DOCK1: variants seen among roughly 807,000 people sequenced by gnomAD.
DOCK1 encodes the protein dedicator of cytokinesis protein 1.
A neutral mutation model predicts 262.7 loss-of-function variants in DOCK1; 138 were observed. The ratio of observed to expected loss-of-function variants is 0.53; its 90% CI spans 0.46 to 0.61. The LOEUF (loss-of-function observed/expected upper bound fraction) is 0.61. Ranked by LOEUF, DOCK1 falls within the 20% of genes least tolerant of loss-of-function variation. The pLI, the probability that DOCK1 is intolerant of heterozygous loss-of-function variation, is 0.00. For synonymous variants in DOCK1, 866 were observed against 867.4 expected, an observed-to-expected ratio of 1.00 and a Z score of 0.03; for missense variants, 1,908 against 2,370.7, an observed-to-expected ratio of 0.80 and a Z score of 4.05.
intron 1 of DOCK1, among the ~76,000 whole-genome samples, chr10:126,920,058 C>T (rs576926143): frequency 3.9e-5 from 6 of 152,202 alleles, no homozygotes; most frequent in African/African-American, 1.2e-4. Flanking sequence ...CCCTCCACCC[C>T]GGCTGTGGGA....
intron 1 of DOCK1, among the ~76,000 whole-genome samples, chr10:126,913,643 A>G (rs2032130774): frequency 6.6e-6 from 1 of 152,224 alleles, no homozygotes; most frequent in African/African-American, 2.4e-5. Flanking sequence ...CTCTGCAGTT[A>G]TCCACATGCC....
intron 48 of DOCK1, 60 bp from the exon 49 acceptor site, chr10:127,438,967 G>T: frequency 1.4e-6 from 2 of 1,466,134 alleles, no homozygotes; most frequent in South Asian, 1.4e-5. Flanking sequence ...GACTTTACAC[G>T]TGTCTGTGGG....
intron 25 of DOCK1, among the ~76,000 whole-genome samples, chr10:127,116,297 G>C (rs183981053): frequency 6.6e-6 from 1 of 152,274 alleles, no homozygotes; most frequent in Admixed American, 6.5e-5. Flanking sequence ...CTTCTTGAAA[G>C]TGTAAGCCTG....
intron 38 of DOCK1, among the ~76,000 whole-genome samples, chr10:127,390,010 A>C (rs2066379290): frequency 2.0e-5 from 1 of 50,052 alleles, no homozygotes; most frequent in Admixed American, 2.4e-4. Context: ...ACTCTGTCTC[A>C]AACAAAAAAA....
intron 1 of DOCK1, among the ~76,000 whole-genome samples, chr10:126,918,275 C>T (rs1274775258): frequency 6.6e-6 from 1 of 152,104 alleles, no homozygotes; most frequent in Non-Finnish European, 1.5e-5. Flanking sequence ...GCAGCGGGGG[C>T]TCCGCTGATG....
At chr10:127,435,410 C>T (rs377705948) in intron 48 of DOCK1, among the ~76,000 whole-genome samples, 12 of 152,070 alleles carry the variant, frequency 7.9e-5, no homozygotes, top group East Asian at 3.9e-4. Flanking sequence ...CTGATGTGCC[C>T]GATGGAGAAT....
chr10:127,281,147 A>G (rs187282121), intron 29 of DOCK1, among the ~76,000 whole-genome samples: 16 of 152,340 alleles, frequency 1.1e-4, no homozygotes, highest in Admixed American at 1.0e-3. Flanking sequence ...TCACTCATAC[A>G]GTTTTATTTT....
chr10:127,128,934 T>C (rs941907610), intron 27 of DOCK1, among the ~76,000 whole-genome samples: 6 of 152,162 alleles, frequency 3.9e-5, no homozygotes, highest in Admixed American at 3.9e-4. Context: ...TTCCAAAAAA[T>C]GACTTGAAAG....
chr10:126,922,990 T>A (rs961707027), intron 1 of DOCK1, among the ~76,000 whole-genome samples: 2 of 152,214 alleles, frequency 1.3e-5, no homozygotes, highest in East Asian at 3.9e-4. Flanking sequence ...ATGCTTGTAA[T>A]CCCAGCTACT....
chr10:126,910,599 A>G (rs10736886), intron 1 of DOCK1, among the ~76,000 whole-genome samples: 150,720 of 152,344 alleles, frequency 0.99, 74,585 homozygotes, highest in East Asian at 1. Flanking sequence ...CAGGGAGATC[A>G]TGAGTAGCCA....
intron 51 of DOCK1, among the ~76,000 whole-genome samples, chr10:127,451,009 A>G (rs1045919659): frequency 1.3e-5 from 2 of 152,170 alleles, no homozygotes; most frequent in African/African-American, 4.8e-5. Flanking sequence ...CTAAGGACTT[A>G]TTTATCCCTT....
intron 29 of DOCK1, among the ~76,000 whole-genome samples, chr10:127,301,711 C>T (rs1234771417): frequency 2.0e-5 from 3 of 151,982 alleles, no homozygotes; most frequent in African/African-American, 4.8e-5. Context: ...TTTGAGAGGC[C>T]GAGGAGGGCA....
In DOCK1 at chr10:126,947,830, T is replaced by C. The variant is rs1591400053; in HGVS notation, c.47-22872T>C. On this transcript the variant is annotated intron_variant, in intron 1 of 51. Coordinates refer to ENST00000623213, the MANE Select transcript of DOCK1 (RefSeq NM_001290223.2). The stretch of plus-strand genomic sequence containing the variant: ...TGGTGGTGGTGGTGGTGGTTGGTAG[T>C]ATTACTGTTGTTGGTGATGGTGGTG... Among the ~76,000 whole-genome samples the C allele has an allele frequency of 1.2e-4, 8 of 67,258 alleles. No individual in the cohort carries two copies. In the East Asian group the frequency reaches 4.8e-3, roughly 40 times the overall value. The allele number at this position is 67,258 out of a possible 152,430, so 44.1% of individuals were successfully genotyped here. A position where few individuals can be genotyped will look rare whatever the true frequency, so the allele number is the denominator to read the frequency against.
At chr10:127,141,303 C>T (rs1171857733) in intron 27 of DOCK1, among the ~76,000 whole-genome samples, 1 of 152,190 alleles carries the variant, frequency 6.6e-6, no homozygotes, top group Non-Finnish European at 1.5e-5. Flanking sequence ...ATCAGAGATG[C>T]CATGCGGTCA....
intron 29 of DOCK1, among the ~76,000 whole-genome samples, chr10:127,266,185 A>C (rs2060348100): frequency 6.6e-6 from 1 of 152,230 alleles, no homozygotes; most frequent in Admixed American, 6.5e-5. Context: ...ATCCCAATTA[A>C]GGGTGCATAG....
intron 38 of DOCK1, among the ~76,000 whole-genome samples, chr10:127,396,754 C>CAAAA (rs372642343): frequency 3.7e-5 from 5 of 134,156 alleles, no homozygotes; most frequent in African/African-American, 1.1e-4. Context: ...ATCTCTGTTA[C>CAAAA]AAAAAAAAAA....
chr10:127,182,530 T>G (rs2055835949), intron 27 of DOCK1, among the ~76,000 whole-genome samples: 2 of 152,180 alleles, frequency 1.3e-5, no homozygotes, highest in South Asian at 4.1e-4. Context: ...CTTATGTTGA[T>G]GTTAACCTTT....
chr10:127,038,497 G>A (rs974895597), intron 19 of DOCK1, among the ~76,000 whole-genome samples: 2 of 152,126 alleles, frequency 1.3e-5, no homozygotes, highest in Non-Finnish European at 2.9e-5. Context: ...GGAGCCTCAG[G>A]TCTTTTTACT....
chr10:126,932,265 G>A (rs1156276854), intron 1 of DOCK1, among the ~76,000 whole-genome samples: 3 of 152,198 alleles, frequency 2.0e-5, no homozygotes, highest in African/African-American at 7.2e-5. Context: ...ATGCTGGGGC[G>A]GGGTGTGTTG....
Sources: gnomAD v4.1 joint callset for allele counts (sites outside exome capture counted in the v4.1 genomes callset) on GRCh38, gnomAD v4.1.1 for gene constraint, MANE v1.5 for transcripts, NCBI Gene and HGNC (gene_info 2026-07-23, HGNC 2026-07-21) for gene names.